ITGA9: variants seen among roughly 807,000 people sequenced by gnomAD.
ITGA9 encodes integrin alpha-9.
In ITGA9, 56 loss-of-function variants were observed where a neutral mutation model predicts 127.8. The ratio of observed to expected loss-of-function variants is 0.44; its 90% CI spans 0.35 to 0.55. The LOEUF (loss-of-function observed/expected upper bound fraction) is 0.55, where lower values mean the gene tolerates loss of function less well. ITGA9 is among the 20% of genes least tolerant of loss of function. ITGA9 has a pLI of 0.00. For synonymous variants in ITGA9, 508 were observed against 514.5 expected, an observed-to-expected ratio of 0.99 and a Z score of 0.17; for missense variants, 1,196 against 1,347.1, an observed-to-expected ratio of 0.89 and a Z score of 1.76.
In ITGA9 at chr3:37,517,515, G is replaced by A. The variant is rs370557302; in HGVS notation, c.1047G>A (p.Glu349=). 5.0e-6 allele frequency: 8 copies of A among 1,592,876 alleles called. No homozygotes were observed. In the East Asian group the frequency reaches 1.8e-4, roughly 36 times the overall value. ...VYINRGNGAL[E]EQLALTGDGA... ...ATCCTGTTTCCCAGGGAGCCCTCGA[G>A]GAGCAGCTGGCTCTGACTGGGGATG... Residue 349 remains glutamate (E), a synonymous_variant, in exon 10 of 28, where the codon GAG becomes GAA. Coordinates refer to ENST00000264741, the MANE Select transcript of ITGA9 (RefSeq NM_002207.3).
chr3:37,586,128 A>G (rs1448174549), intron 15 of ITGA9, among the ~76,000 whole-genome samples: 3 of 152,216 alleles, frequency 2.0e-5, no homozygotes, highest in African/African-American at 7.2e-5. Context: ...GTTTTGTCTA[A>G]TATTGCCTGT....
intron 23 of ITGA9, among the ~76,000 whole-genome samples, chr3:37,768,585 G>A (rs997640129): frequency 6.6e-6 from 1 of 152,134 alleles, no homozygotes; most frequent in African/African-American, 2.4e-5. Context: ...CAGGGGGTGG[G>A]TCATGTTTAC....
intron 19 of ITGA9, 72 bp downstream of exon 19, chr3:37,732,870 C>T (rs976958270): frequency 1.5e-5 from 19 of 1,226,788 alleles, no homozygotes; most frequent in Non-Finnish European, 2.0e-5. Context: ...GATTCCGCCG[C>T]CTCCCTGAGG....
At chr3:37,797,873 C>T (rs890343721) in intron 26 of ITGA9, among the ~76,000 whole-genome samples, 1 of 151,596 alleles carries the variant, frequency 6.6e-6, no homozygotes. Flanking sequence ...TTTGTAGAGA[C>T]GGGGTTTCGC....
At chr3:37,654,724 A>T (rs1700461258) in intron 17 of ITGA9, among the ~76,000 whole-genome samples, 1 of 152,282 alleles carries the variant, frequency 6.6e-6, no homozygotes, top group Non-Finnish European at 1.5e-5. Flanking sequence ...TTTAAGTTCC[A>T]GGATACATGT....
intron 18 of ITGA9, among the ~76,000 whole-genome samples, chr3:37,714,701 G>A (rs533832637): frequency 1.2e-4 from 19 of 152,300 alleles, no homozygotes; most frequent in South Asian, 1.2e-3. Context: ...AAAAACAACC[G>A]TGGGCTCCTC....
intron 8 of ITGA9, among the ~76,000 whole-genome samples, chr3:37,512,105 CTTCCTTCCTTCCTTCT>C (rs1198218098): frequency 1.7e-4 from 16 of 92,262 alleles, no homozygotes; most frequent in African/African-American, 6.6e-4. Flanking sequence ...TCCTTCCTTC[CTTCCTTCCTTCCTTCT>C]TTCTTTTCTT....
chr3:37,629,443 G>A lies in ITGA9; in HGVS notation c.1839+107G>A, dbSNP rs758021693. 221 of 1,238,978 alleles carry A rather than the reference G, an allele frequency of 1.8e-4. No homozygotes were observed. Among genetic ancestry groups the A allele is most frequent in the Non-Finnish European group, 2.3e-4 (202 of 864,528 alleles). The allele number at this position is 1,238,978 out of a possible 1,614,324, so 76.7% of individuals were successfully genotyped here. On this transcript the variant is annotated intron_variant, in intron 16 of 27. Coordinates refer to ENST00000264741, the MANE Select transcript of ITGA9 (RefSeq NM_002207.3). The surrounding 1 kb of genome is among the most constrained non-coding windows in gnomAD (Gnocchi z 4.5). Reference sequence around the variant, plus strand: ...CGTGGGCCTGGCTGCTCAGGAGACCGCAGCCAGGACACACCTCCTCTCTGG... The same window carrying A: ...CGTGGGCCTGGCTGCTCAGGAGACCACAGCCAGGACACACCTCCTCTCTGG...
At chr3:37,460,424 T>C (rs746319492) in intron 1 of ITGA9, among the ~76,000 whole-genome samples, 1 of 152,186 alleles carries the variant, frequency 6.6e-6, no homozygotes, top group Admixed American at 6.5e-5. Context: ...TGATTGTAGT[T>C]TAAAAATAAC....
At chr3:37,815,539 G>A (rs968499252) in intron 27 of ITGA9, among the ~76,000 whole-genome samples, 1 of 151,720 alleles carries the variant, frequency 6.6e-6, no homozygotes, top group African/African-American at 2.4e-5. Flanking sequence ...AACCTGGGAG[G>A]CAGAGGTTGC....
chr3:37,818,881 T>C lies in ITGA9; in HGVS notation c.3010-10T>C. 1.2e-6 allele frequency: 2 copies of C among 1,604,638 alleles called. No homozygotes were observed. The highest frequency in any genetic ancestry group is 1.7e-6 in the Non-Finnish European group (2 of 1,171,376). ...TTCTAACTCAGCTTCTCTTTCTTTC[T>C]GCCTTTCAGATGGGCTTCTTTCGCC... On this transcript the variant is annotated splice_polypyrimidine_tract_variant and intron_variant, in intron 27 of 27. Transcript: ENST00000264741.
chr3:37,547,457 A>G (rs1179062721), intron 15 of ITGA9, among the ~76,000 whole-genome samples: 2 of 152,112 alleles, frequency 1.3e-5, no homozygotes, highest in Non-Finnish European at 2.9e-5. Context: ...CCATTTTCAT[A>G]TCCAACAAAA....
intron 4 of ITGA9, among the ~76,000 whole-genome samples, chr3:37,488,730 G>T (rs546337344): frequency 6.6e-6 from 1 of 152,006 alleles, no homozygotes; most frequent in East Asian, 1.9e-4. Context: ...CCTGGGAGGC[G>T]GCGGTTGTGG....
chr3:37,567,761 A>G (rs949657635), intron 15 of ITGA9, among the ~76,000 whole-genome samples: 2 of 152,164 alleles, frequency 1.3e-5, no homozygotes, highest in African/African-American at 4.8e-5. Context: ...CTTTTACTTC[A>G]TGTCTCACAT....
rs539675151 is a variant in ITGA9 at position 37,461,019 on chromosome 3, C to T, written c.185+8460C>T. On this transcript the variant is annotated intron_variant, in intron 1 of 27. Transcript: ENST00000264741. ...CCCCTTCCTATCTAGTGTCCAAGTG[C>T]TGTGATGTATGTGGATCCCAGAGTA... is the stretch of plus-strand genomic sequence containing the variant. 2.6e-5 allele frequency among the ~76,000 whole-genome samples: 4 copies of T among 152,220 alleles called. No homozygotes were observed. In the South Asian group the frequency reaches 6.2e-4, roughly 24 times the overall value.
intron 17 of ITGA9, among the ~76,000 whole-genome samples, chr3:37,657,004 C>T (rs936747407): frequency 3.3e-5 from 5 of 151,848 alleles, no homozygotes; most frequent in African/African-American, 1.2e-4. Flanking sequence ...TATTGATTTG[C>T]ATATGTTGAA....
intron 17 of ITGA9, among the ~76,000 whole-genome samples, chr3:37,679,848 G>C (rs1471676965): frequency 6.6e-6 from 1 of 152,102 alleles, no homozygotes; most frequent in Non-Finnish European, 1.5e-5. Context: ...GCCAGAGAAG[G>C]GTCCTACCCC....
chr3:37,740,934 C>T (rs928386522), intron 20 of ITGA9, among the ~76,000 whole-genome samples: 2 of 152,160 alleles, frequency 1.3e-5, no homozygotes, highest in Non-Finnish European at 2.9e-5. Context: ...CGAGAGCTTC[C>T]ATGATGTTTA....
chr3:37,585,771 G>T, intron 15 of ITGA9: 3 of 321,148 alleles, frequency 9.3e-6, no homozygotes, highest in African/African-American at 2.4e-5. Flanking sequence ...CAGTGTATTT[G>T]GTTTTCTTAA....
Sources: gnomAD v4.1 joint callset for allele counts (sites outside exome capture counted in the v4.1 genomes callset) on GRCh38, gnomAD v4.1.1 for gene constraint, Gnocchi (gnomAD v3.1) non-coding constraint, MANE v1.5 for transcripts, NCBI Gene and HGNC (gene_info 2026-07-23, HGNC 2026-07-21) for gene names.